SLC8A1: variants seen among roughly 807,000 people sequenced by gnomAD.
SLC8A1 encodes solute carrier family 8 member A1.
SLC8A1 carries 18 observed loss-of-function variants against 68.3 expected under a neutral mutation model. The observed-to-expected ratio is 0.26, with a 90% CI of 0.18 to 0.39. SLC8A1 has a LOEUF of 0.39. Ranked by LOEUF, SLC8A1 falls within the 10% of genes least tolerant of loss-of-function variation. The pLI is 1.00. For synonymous variants in SLC8A1, 475 were observed against 415.5 expected (o/e 1.14, Z -1.74); for missense variants, 985 against 1,156.7 (o/e 0.85, Z 2.15).
chr2:40,428,610 C>T (rs1697501929), exon 2 of SLC8A1: 4 of 1,613,722 alleles, frequency 2.5e-6, no homozygotes, highest in African/African-American at 1.3e-5. Context: ...ATACTTTCAC[C>T]TCCATGATGC....
chr2:40,384,611 T>C (rs906315575), intron 2 of SLC8A1, among the ~76,000 whole-genome samples: 2 of 152,150 alleles, frequency 1.3e-5, no homozygotes, highest in Admixed American at 6.6e-5. Flanking sequence ...TATGCTCATT[T>C]CTTCAAGATA....
In SLC8A1 at chr2:40,392,133, C is replaced by T. The variant is rs574431029; in HGVS notation, c.1808+36340G>A. Among the ~76,000 whole-genome samples the T allele has an allele frequency of 5.2e-4, 62 of 119,268 alleles. 1 individual carries two copies. The Middle Eastern group carries it at 0.017, about 33-fold the overall frequency. 78.2% of individuals were successfully genotyped at this position (119,268 alleles called of 152,430 possible). On this transcript the variant is annotated intron_variant, in intron 2 of 7. Transcript: ENST00000406785. ...AACAAAGAGTGAACAAATGAACCAA[C>T]GGAAGAATGAAAAATAAAAGAAAGA...
exon 8 of SLC8A1, chr2:40,114,741 A>G (rs1453104131): frequency 6.6e-6 from 1 of 152,384 alleles, no homozygotes; most frequent in Non-Finnish European, 1.5e-5. Context: ...TTCCATGCCC[A>G]GATTTTTTCT....
upstream of SLC8A1, among the ~76,000 whole-genome samples, chr2:40,454,821 G>A (rs1003257708): frequency 6.6e-6 from 1 of 152,166 alleles, no homozygotes; most frequent in Non-Finnish European, 1.5e-5. Flanking sequence ...TTTATTGCGA[G>A]AATTATCAAA....
At chr2:40,478,686 G>C (rs1288471215) in intron 1 of SLC8A1, among the ~76,000 whole-genome samples, 1 of 151,246 alleles carries the variant, frequency 6.6e-6, no homozygotes, top group Non-Finnish European at 1.5e-5. Context: ...TTTTTAATTT[G>C]ACTTTTATAC....
At chr2:40,464,165 G>T (rs1193989019) in intron 1 of SLC8A1, among the ~76,000 whole-genome samples, 2 of 152,112 alleles carry the variant, frequency 1.3e-5, no homozygotes, top group Non-Finnish European at 2.9e-5. Context: ...AAAGTGCTGG[G>T]ATTACAGGCT....
At chr2:40,356,030 G>A (rs1672556157) in intron 2 of SLC8A1, among the ~76,000 whole-genome samples, 1 of 152,014 alleles carries the variant, frequency 6.6e-6, no homozygotes, top group South Asian at 2.1e-4. Flanking sequence ...TTACGCACAT[G>A]CTGTTCTTTC....
At chr2:40,142,653 A>G (rs2041798244) in intron 6 of SLC8A1, among the ~76,000 whole-genome samples, 1 of 152,212 alleles carries the variant, frequency 6.6e-6, no homozygotes. Context: ...TTATAAATTG[A>G]GAGTAGACAT....
chr2:40,154,492 T>C (rs945669520), intron 6 of SLC8A1, among the ~76,000 whole-genome samples: 7 of 145,862 alleles, frequency 4.8e-5, no homozygotes, highest in Non-Finnish European at 6.1e-5. Flanking sequence ...TTCTTTTTTT[T>C]TTTTTTTTGT....
chr2:40,321,331 C>G (rs1156672175), intron 2 of SLC8A1, among the ~76,000 whole-genome samples: 1 of 151,928 alleles, frequency 6.6e-6, no homozygotes, highest in Non-Finnish European at 1.5e-5. Context: ...CCAGTATAAC[C>G]ATGTATATCA....
chr2:40,397,076 C>A (rs1386235940), intron 2 of SLC8A1, among the ~76,000 whole-genome samples: 2 of 152,118 alleles, frequency 1.3e-5, no homozygotes, highest in East Asian at 3.9e-4. Flanking sequence ...ATCCGTGGAT[C>A]AGTTAATTTT....
At chr2:40,428,865 C>G (rs752235969) in exon 2 of SLC8A1, 1 of 1,613,830 alleles carries the variant, frequency 6.2e-7, no homozygotes, top group South Asian at 1.1e-5. Context: ...TGATTTCCTT[C>G]TGGGTATCAC....
At position 40,139,567 on chromosome 2, in the gene SLC8A1, G is replaced by C. The variant is rs763827563; in HGVS notation, c.2271C>G (p.Pro757=). 2.5e-6 allele frequency: 4 copies of C among 1,614,136 alleles called. No homozygotes were observed. In the South Asian group the frequency reaches 4.4e-5, roughly 18 times the overall value. The change falls in exon 7 of 8, where the codon CCC becomes CCG. Residue 757 remains proline, a synonymous_variant. Transcript: ENST00000406785. ...CCCAGCCATTCCAGTATTCAGTAGG[G>C]GGGACGAAGGCAAACAGGACCTTCC... is the stretch of plus-strand genomic sequence containing the variant.
chr2:40,417,539 C>T (rs962508954), intron 2 of SLC8A1, among the ~76,000 whole-genome samples: 1 of 152,070 alleles, frequency 6.6e-6, no homozygotes, highest in Non-Finnish European at 1.5e-5. Context: ...GACAAGGTCT[C>T]GCTCTGTCAC....
intron 2 of SLC8A1, among the ~76,000 whole-genome samples, chr2:40,369,313 T>C (rs531174056): frequency 6.6e-6 from 1 of 152,122 alleles, no homozygotes; most frequent in Non-Finnish European, 1.5e-5. Context: ...TTTCACCTCG[T>C]CATCATCTGA....
chr2:40,346,073 A>AAG (rs1669205000), intron 2 of SLC8A1, among the ~76,000 whole-genome samples: 1 of 141,878 alleles, frequency 7.0e-6, no homozygotes, highest in Non-Finnish European at 1.5e-5. Context: ...AAAAAAAAAA[A>AAG]GAAAGAAAGA....
At chr2:40,303,644 A>G (rs995700953) in intron 2 of SLC8A1, among the ~76,000 whole-genome samples, 8 of 152,214 alleles carry the variant, frequency 5.3e-5, no homozygotes, top group Admixed American at 3.9e-4. Context: ...AGGCCTAGTT[A>G]TAAGCCGAAA....
At chr2:40,204,409 A>C (rs1445716333) in intron 2 of SLC8A1, among the ~76,000 whole-genome samples, 1 of 152,068 alleles carries the variant, frequency 6.6e-6, no homozygotes, top group African/African-American at 2.4e-5. Flanking sequence ...AGTTGAGAGT[A>C]ACCACAATGA....
chr2:40,101,003 ATGAG>A (rs1284867470), exon 8 of SLC8A1: 23 of 152,270 alleles, frequency 1.5e-4, no homozygotes, highest in African/African-American at 5.1e-4. Flanking sequence ...CAAAATGCAT[ATGAG>A]TATTTTAAGT....
Sources: allele counts gnomAD v4.1 joint callset (sites outside exome capture counted in the v4.1 genomes callset), GRCh38; gene constraint gnomAD v4.1.1; transcripts MANE v1.5; gene names NCBI Gene and HGNC (gene_info 2026-07-23, HGNC 2026-07-21).